Variants in FOXP1 observed in about 807,000 individuals in gnomAD.
FOXP1 encodes the protein forkhead box P1.
Under a neutral mutation model 98.2 loss-of-function variants are expected in FOXP1, and 15 were observed. The ratio of observed to expected loss-of-function variants is 0.15; its 90% CI spans 0.10 to 0.24. The LOEUF is 0.24. Ranked by LOEUF, FOXP1 falls within the 10% of genes least tolerant of loss-of-function variation. The probability of loss-of-function intolerance (pLI) is 1.00; values close to 1 mark genes in which losing one functional copy is unlikely to be tolerated. For missense variants in FOXP1, 633 were observed against 848.5 expected (o/e 0.75, Z 3.15); for synonymous variants, 371 against 314.5 (o/e 1.18, Z -1.90).
chr3:71,088,947 G>A (rs970713878), intron 7 of FOXP1, among the ~76,000 whole-genome samples: 3 of 152,054 alleles, frequency 2.0e-5, no homozygotes, highest in African/African-American at 4.8e-5. Context: ...ATGACCTTAC[G>A]CCAAGAGTAC....
intron 3 of FOXP1, among the ~76,000 whole-genome samples, chr3:71,371,049 C>A (rs1308234116): frequency 6.6e-6 from 1 of 152,010 alleles, no homozygotes; most frequent in Non-Finnish European, 1.5e-5. Context: ...TAATCCCCTG[C>A]CAGGATTACA....
rs1231365039 is a variant in FOXP1, at chr3:71,583,676, ACACACGCGCG to A, written c.-562_-553del. ...ACCCCGCGCACACACTCACTCGCGCACACACGCGCGCACACACGCACTCCCGGGCGAGGGC... is the reference window on the plus strand; with the variant it reads ...ACCCCGCGCACACACTCACTCGCGCACACACACGCACTCCCGGGCGAGGGC... On this transcript the variant is annotated 5_prime_UTR_variant, in exon 1 of 21. Coordinates refer to ENST00000649528, the MANE Select transcript of FOXP1 (RefSeq NM_001349338.3). 123 of 984,336 alleles carry A rather than the reference ACACACGCGCG, an allele frequency of 1.2e-4. No homozygotes were observed. The highest frequency in any genetic ancestry group is 1.4e-4 in the Non-Finnish European group (119 of 829,770). 61.0% of individuals were successfully genotyped at this position (984,336 alleles called of 1,614,324 possible).
chr3:71,281,546 G>A (rs1180598381), intron 5 of FOXP1, among the ~76,000 whole-genome samples: 4 of 152,206 alleles, frequency 2.6e-5, no homozygotes, highest in Non-Finnish European at 5.9e-5. Flanking sequence ...TGACCGACAT[G>A]GTTTCTGCCC....
chr3:71,476,960 A>G (rs529352777), intron 3 of FOXP1, among the ~76,000 whole-genome samples: 1 of 152,324 alleles, frequency 6.6e-6, no homozygotes, highest in Middle Eastern at 3.4e-3. Flanking sequence ...CATCTGAAGG[A>G]AACTTATTGA....
intron 7 of FOXP1, among the ~76,000 whole-genome samples, chr3:71,061,651 A>G (rs1337471211): frequency 3.3e-5 from 5 of 152,342 alleles, no homozygotes; most frequent in Non-Finnish European, 7.4e-5. Context: ...CTTCTCGATC[A>G]ACTGTTGCTA....
chr3:71,057,101 C>G (rs930296049), intron 7 of FOXP1, among the ~76,000 whole-genome samples: 1 of 152,054 alleles, frequency 6.6e-6, no homozygotes, highest in Non-Finnish European at 1.5e-5. Context: ...GTCTGGAAAG[C>G]GGCTAAAGGC....
intron 6 of FOXP1, among the ~76,000 whole-genome samples, chr3:71,187,067 C>T (rs2062691335): frequency 2.0e-5 from 3 of 152,226 alleles, no homozygotes; most frequent in Admixed American, 6.5e-5. Flanking sequence ...GCCCAAGGGC[C>T]AGTTTGCTGA....
chr3:71,125,520 G>A (rs1017587698), intron 6 of FOXP1, among the ~76,000 whole-genome samples: 6 of 152,334 alleles, frequency 3.9e-5, no homozygotes, highest in African/African-American at 1.4e-4. Flanking sequence ...ATCTTATGGA[G>A]GCAAAGAAAT....
chr3:71,035,598 T>TA (rs1175430345), intron 11 of FOXP1, among the ~76,000 whole-genome samples: 1 of 152,218 alleles, frequency 6.6e-6, no homozygotes, highest in Admixed American at 6.5e-5. Context: ...ATAGATTGTT[T>TA]AAATGCCTTG....
chr3:71,285,415 T>C (rs760547799), intron 5 of FOXP1, among the ~76,000 whole-genome samples: 5 of 152,158 alleles, frequency 3.3e-5, no homozygotes, highest in Middle Eastern at 3.2e-3. Flanking sequence ...AACAGCCTTG[T>C]TTTTTAAAAA....
At chr3:71,070,291 G>C (rs193130265) in intron 7 of FOXP1, among the ~76,000 whole-genome samples, 2 of 152,120 alleles carry the variant, frequency 1.3e-5, no homozygotes, top group Non-Finnish European at 2.9e-5. Flanking sequence ...TGCCAAACTC[G>C]ATATTTTAGC....
At chr3:71,464,805 T>C (rs2088523283) in intron 3 of FOXP1, among the ~76,000 whole-genome samples, 1 of 152,150 alleles carries the variant, frequency 6.6e-6, no homozygotes, top group Non-Finnish European at 1.5e-5. Flanking sequence ...ACTGACTTTG[T>C]GGCAAGCAGG....
intron 7 of FOXP1, 97 bp from the exon 8 acceptor site, chr3:71,053,870 T>C (rs2107139659): frequency 4.5e-6 from 6 of 1,322,554 alleles, no homozygotes; most frequent in Non-Finnish European, 5.4e-6. Context: ...GCTTAAAGAG[T>C]TGACCAATTT....
intron 3 of FOXP1, among the ~76,000 whole-genome samples, chr3:71,381,081 CTTACCTTCTTAGGTAAATTACAA>C (rs2080122046): frequency 6.6e-6 from 1 of 151,950 alleles, no homozygotes. Flanking sequence ...GTCGTCCCTT[CTTACCTTCTTAGGTAAATTACAA>C]TTAGTTTTAT....
Position 71,330,535 on chromosome 3 carries a change from G to A in FOXP1, c.-73+28615C>T, listed in dbSNP as rs144005927. On this transcript the variant is annotated intron_variant, in intron 4 of 20. Transcript: ENST00000649528. ...CAGCAAACAGCCCTATTTTTGCTGT[G>A]CTTACTTTAATCCACAAAACCTACA... is the stretch of plus-strand genomic sequence containing the variant. Among the ~76,000 whole-genome samples, 44 of 152,294 alleles carry A rather than the reference G, an allele frequency of 2.9e-4. No individual in the cohort carries two copies. The East Asian group carries it at 8.3e-3, about 29-fold the overall frequency.
At chr3:71,403,798 C>A (rs919034342) in intron 3 of FOXP1, among the ~76,000 whole-genome samples, 1 of 152,078 alleles carries the variant, frequency 6.6e-6, no homozygotes, top group African/African-American at 2.4e-5. Flanking sequence ...TTGTAGTGAG[C>A]CAAGATCGCA....
At chr3:71,066,224 C>T (rs1434149224) in intron 7 of FOXP1, among the ~76,000 whole-genome samples, 1 of 151,944 alleles carries the variant, frequency 6.6e-6, no homozygotes, top group Admixed American at 6.6e-5. Context: ...GTAATATTTC[C>T]AATCAAGCAA....
intron 3 of FOXP1, among the ~76,000 whole-genome samples, chr3:71,406,405 G>GTGTATATATA (rs1347753258): frequency 9.4e-6 from 1 of 105,990 alleles, no homozygotes; most frequent in African/African-American, 3.1e-5. Context: ...AACTGTATGT[G>GTGTATATATA]TATATATATA....
chr3:71,069,572 CAT>C (rs1473157013), intron 7 of FOXP1, among the ~76,000 whole-genome samples: 1 of 152,126 alleles, frequency 6.6e-6, no homozygotes, highest in Non-Finnish European at 1.5e-5. Flanking sequence ...TGAAAAGGTA[CAT>C]GTTTTGGGGC....
Sources: allele counts gnomAD v4.1 joint callset (sites outside exome capture counted in the v4.1 genomes callset), GRCh38; gene constraint gnomAD v4.1.1; transcripts MANE v1.5; gene names NCBI Gene and HGNC (gene_info 2026-07-23, HGNC 2026-07-21).